NRL: variants seen among roughly 807,000 people sequenced by gnomAD.
NRL encodes neural retina-specific leucine zipper protein.
A neutral mutation model predicts 12.5 loss-of-function variants in NRL; 16 were observed. That is an observed-to-expected ratio of 1.28 (90% CI 0.87 to 1.95). The LOEUF (loss-of-function observed/expected upper bound fraction) is 1.95. Ranked by LOEUF, NRL falls within the 30% of genes most tolerant of loss-of-function variation. The probability of loss-of-function intolerance (pLI) is 0.00; values close to 1 mark genes in which losing one functional copy is unlikely to be tolerated. For missense variants in NRL, 314 were observed against 325.8 expected, an observed-to-expected ratio of 0.96 and a Z score of 0.28; for synonymous variants, 142 against 150.9, an observed-to-expected ratio of 0.94 and a Z score of 0.43.
At chr14:24,092,350 G>A (rs1032993447) in intron 1 of NRL, among the ~76,000 whole-genome samples, 1 of 152,212 alleles carries the variant, frequency 6.6e-6, no homozygotes, top group African/African-American at 2.4e-5. Context: ...CAATTCCAAA[G>A]GTCCTGGCAT....
Position 24,082,865 on chromosome 14 carries a change from G to C in NRL, c.-17C>G. The C allele has an allele frequency of 6.2e-7, 1 of 1,606,694 alleles. No homozygotes were observed. Among genetic ancestry groups the C allele is most frequent in the Non-Finnish European group, 8.5e-7 (1 of 1,175,576 alleles). On this transcript the variant is annotated 5_prime_UTR_variant, in exon 2 of 3. Coordinates refer to ENST00000561028, the MANE Select transcript of NRL (RefSeq NM_001354768.3). ...CAGGGCCATTCTGGAGCTGGGCTGG[G>C]AGGAGTGCACCTGCAAAGAGGAGGA...
chr14:24,107,670 C>A (rs1374473220), intron 1 of NRL, among the ~76,000 whole-genome samples: 3 of 152,152 alleles, frequency 2.0e-5, no homozygotes, highest in Non-Finnish European at 4.4e-5. Context: ...GATTCCCCCT[C>A]CATTCCTTTC....
At chr14:24,114,627 A>G in intron 1 of NRL, 95 bp downstream of exon 1, 1 of 955,868 alleles carries the variant, frequency 1.0e-6, no homozygotes, top group Non-Finnish European at 1.2e-6. Flanking sequence ...GGAAGCTGGC[A>G]GTTCCCACTT....
rs2036317284 is a variant in NRL, at chr14:24,081,781, A to G, written c.382-213T>C. The G allele has an allele frequency of 2.0e-6, 3 of 1,516,746 alleles. No individual in the cohort carries two copies. The highest frequency in any genetic ancestry group is 2.0e-5 in the Admixed American group (1 of 49,734). 94.0% of individuals were successfully genotyped at this position (1,516,746 alleles called of 1,614,324 possible). On this transcript the variant is annotated intron_variant, in intron 2 of 2. Coordinates refer to ENST00000561028, the MANE Select transcript of NRL (RefSeq NM_001354768.3). This position sits in a 1 kb window ranked among gnomAD's most constrained non-coding sequence, Gnocchi z 4.4. ...CCCCCAGCTGACCGTTGCTCCAGTC[A>G]GGCGGGCGCCCCACGGTGCAGGGCC... is the stretch of plus-strand genomic sequence containing the variant.
At chr14:24,114,001 C>G (rs2037473874) in intron 1 of NRL, among the ~76,000 whole-genome samples, 1 of 152,218 alleles carries the variant, frequency 6.6e-6, no homozygotes, top group Non-Finnish European at 1.5e-5. Context: ...CAACTCCCGG[C>G]CTTGGACTCA....
intron 1 of NRL, chr14:24,095,162 A>C (rs772839638): frequency 2.4e-5 from 11 of 455,962 alleles, no homozygotes; most frequent in Non-Finnish European, 4.4e-5. Flanking sequence ...CAGAGTCGGA[A>C]GTGACCCACA....
At chr14:24,100,474 AC>A in intron 1 of NRL, 1 of 836,212 alleles carries the variant, frequency 1.2e-6, no homozygotes, top group Non-Finnish European at 1.7e-6. Context: ...TTGTGATAGT[AC>A]CTATCTCATG....
chr14:24,114,647 C>T (rs775851943), intron 1 of NRL, 75 bp downstream of exon 1: 12 of 982,008 alleles, frequency 1.2e-5, no homozygotes, highest in African/African-American at 1.7e-5. Context: ...TACTCCTCCC[C>T]AGCAAGAGCT....
intron 1 of NRL, 53 bp from the exon 2 acceptor site, chr14:24,082,928 C>T: frequency 1.3e-6 from 2 of 1,514,186 alleles, no homozygotes; most frequent in Non-Finnish European, 8.9e-7. Context: ...GCCATCCCCT[C>T]TTCACCAAGT....
intron 1 of NRL, among the ~76,000 whole-genome samples, chr14:24,089,914 G>T (rs1023620499): frequency 6.6e-6 from 1 of 152,156 alleles, no homozygotes; most frequent in African/African-American, 2.4e-5. Flanking sequence ...ACTGAGAAAA[G>T]ATCCACGTAG....
At chr14:24,082,008 C>T in intron 2 of NRL, 3 of 1,204,604 alleles carry the variant, frequency 2.5e-6, no homozygotes, top group Non-Finnish European at 3.1e-6. Flanking sequence ...ATGCCCGCAA[C>T]ACCCCCATCT....
intron 1 of NRL, among the ~76,000 whole-genome samples, chr14:24,110,991 T>C (rs2037409635): frequency 6.6e-6 from 1 of 152,238 alleles, no homozygotes; most frequent in Admixed American, 6.5e-5. Flanking sequence ...CATTTGTTGA[T>C]TTTCTTTTAG....
At position 24,083,454 on chromosome 14, in the gene NRL, G is replaced by T. The variant is rs924503127; in HGVS notation, c.-27-579C>A. ...CAATCAATGAATCCCTTTTGTAGGG[G>T]CAAGAGGCTTTATATGGAAAAAAGA... On this transcript the variant is annotated intron_variant, in intron 1 of 2. Coordinates refer to ENST00000561028, the MANE Select transcript of NRL (RefSeq NM_001354768.3). Among the ~76,000 whole-genome samples, 30 of 152,278 alleles carry T rather than the reference G, an allele frequency of 2.0e-4. 1 individual carries two copies. Among genetic ancestry groups the T allele is most frequent in the African/African-American group, 6.0e-4 (25 of 41,542 alleles).
chr14:24,109,644 G>C (rs969551815), intron 1 of NRL, among the ~76,000 whole-genome samples: 2 of 150,308 alleles, frequency 1.3e-5, no homozygotes, highest in African/African-American at 2.5e-5. Flanking sequence ...CTTGCAGTGA[G>C]CCGAGATCGG....
chr14:24,092,339 A>G (rs1224586847), intron 1 of NRL, among the ~76,000 whole-genome samples: 1 of 152,230 alleles, frequency 6.6e-6, no homozygotes, highest in Non-Finnish European at 1.5e-5. Context: ...ATTGAGAAGT[A>G]CAATTCCAAA....
At chr14:24,084,938 G>C (rs2036428750) in intron 1 of NRL, among the ~76,000 whole-genome samples, 1 of 152,208 alleles carries the variant, frequency 6.6e-6, no homozygotes, top group South Asian at 2.1e-4. Flanking sequence ...CCCTAGCCAT[G>C]CATAGCCTGG....
At chr14:24,100,452 G>T in intron 1 of NRL, 3 of 940,906 alleles carry the variant, frequency 3.2e-6, no homozygotes, top group Non-Finnish European at 4.5e-6. Context: ...CACATCAGTT[G>T]AATGAGGGTA....
At chr14:24,102,386 C>A (rs116558989) in intron 1 of NRL, among the ~76,000 whole-genome samples, 1,551 of 152,318 alleles carry the variant, frequency 0.01, 17 homozygotes, top group African/African-American at 0.023. Context: ...AATAATCTCA[C>A]AAATAATGAA....
At position 24,082,816 on chromosome 14, in the gene NRL, T is replaced by C. The variant is rs1429798042; in HGVS notation, c.33A>G (p.Glu11=). The C allele has an allele frequency of 5.0e-6, 8 of 1,613,770 alleles. No individual in the cohort carries two copies. Among genetic ancestry groups the C allele is most frequent in the Non-Finnish European group, 6.8e-6 (8 of 1,179,834 alleles). Reference sequence around the variant, plus strand: ...TCATCAAGTCAAAGTCATTGACATATTCCATGGCCAGGGGGCTGGGGGGCA... The same window carrying C: ...TCATCAAGTCAAAGTCATTGACATACTCCATGGCCAGGGGGCTGGGGGGCA... MALPPSPLAM[E]YVNDFDLMKF... is the part of the protein sequence containing the mutation. The change falls in exon 2 of 3, where the codon GAA becomes GAG. Residue 11 remains glutamate (E), a synonymous_variant. Transcript: ENST00000561028.
Sources: gnomAD v4.1 joint callset for allele counts (sites outside exome capture counted in the v4.1 genomes callset) on GRCh38, gnomAD v4.1.1 for gene constraint, Gnocchi (gnomAD v3.1) non-coding constraint, MANE v1.5 for transcripts, NCBI Gene and HGNC (gene_info 2026-07-23, HGNC 2026-07-21) for gene names.